DPP6: variants seen among roughly 807,000 people sequenced by gnomAD.
DPP6 encodes the protein A-type potassium channel modulatory protein DPP6.
In DPP6, 69 loss-of-function variants were observed where a neutral mutation model predicts 122.6. That is an observed-to-expected ratio of 0.56 (90% CI 0.46 to 0.69). DPP6 has a LOEUF of 0.69. Ranked by LOEUF, DPP6 falls within the 30% of genes least tolerant of loss-of-function variation. The pLI is 0.00. For missense variants in DPP6, 928 were observed against 1,116.9 expected, an observed-to-expected ratio of 0.83 and a Z score of 2.41; for synonymous variants, 418 against 433.1, an observed-to-expected ratio of 0.97 and a Z score of 0.43.
At chr7:154,494,065 G>T (rs1824514665) in intron 3 of DPP6, among the ~76,000 whole-genome samples, 1 of 152,134 alleles carries the variant, frequency 6.6e-6, no homozygotes, top group Admixed American at 6.6e-5. Flanking sequence ...TTTATTAAAA[G>T]ATATATTGCC....
chr7:153,773,478 C>T, the DPP6 span, among the ~76,000 whole-genome samples: 8 of 151,500 alleles, frequency 5.3e-5, no homozygotes, highest in African/African-American at 1.7e-4. Flanking sequence ...AAATAAACCT[C>T]ACCAAATCTG....
chr7:154,478,468 ACAT>A (rs1345563982), intron 3 of DPP6, among the ~76,000 whole-genome samples: 4 of 152,066 alleles, frequency 2.6e-5, no homozygotes, highest in African/African-American at 7.2e-5. Context: ...CATCATCATA[ACAT>A]CATCATCAAG....
chr7:154,307,338 A>G (rs750215347), intron 1 of DPP6, among the ~76,000 whole-genome samples: 59 of 152,194 alleles, frequency 3.9e-4, no homozygotes, highest in Non-Finnish European at 2.9e-4. Flanking sequence ...TTAAACTGAT[A>G]TAAAACTGAA....
chr7:153,762,964 G>T, the DPP6 span, among the ~76,000 whole-genome samples: 1 of 152,072 alleles, frequency 6.6e-6, no homozygotes, highest in Non-Finnish European at 1.5e-5. Context: ...CAAAGACATA[G>T]AGATTACAAT....
intron 7 of DPP6, among the ~76,000 whole-genome samples, chr7:154,678,110 T>C (rs1839034127): frequency 1.3e-5 from 2 of 152,110 alleles, no homozygotes; most frequent in Admixed American, 6.5e-5. Context: ...TGTGTCTAGC[T>C]AAAGGTTTGT....
intron 1 of DPP6, among the ~76,000 whole-genome samples, chr7:154,346,472 A>C (rs1320916744): frequency 2.0e-5 from 3 of 151,938 alleles, no homozygotes; most frequent in Non-Finnish European, 4.4e-5. Context: ...ATGCCCGTCT[A>C]ATTTTTGTAT....
intron 5 of DPP6, among the ~76,000 whole-genome samples, chr7:154,571,974 C>T (rs578030313): frequency 1.6e-4 from 24 of 152,232 alleles, no homozygotes; most frequent in East Asian, 7.7e-4. Flanking sequence ...AGGTGACATC[C>T]GGGCTGCAGT....
intron 7 of DPP6, among the ~76,000 whole-genome samples, chr7:154,702,775 A>G (rs552243858): frequency 5.2e-5 from 8 of 152,384 alleles, no homozygotes; most frequent in African/African-American, 1.9e-4. Flanking sequence ...GCAGTAAGTT[A>G]TTCAGAAGAT....
the DPP6 span, among the ~76,000 whole-genome samples, chr7:153,774,662 G>A: frequency 2.7e-3 from 410 of 152,140 alleles, 2 homozygotes; most frequent in African/African-American, 9.3e-3. Flanking sequence ...GAATTCTGTC[G>A]GTATTTAAGG....
intron 1 of DPP6, among the ~76,000 whole-genome samples, chr7:154,330,072 C>T (rs982003224): frequency 2.0e-5 from 3 of 152,134 alleles, no homozygotes; most frequent in Non-Finnish European, 4.4e-5. Context: ...AGGACAAATA[C>T]CTAATGCATG....
intron 1 of DPP6, among the ~76,000 whole-genome samples, chr7:154,189,181 A>G (rs1396075565): frequency 2.6e-5 from 4 of 152,228 alleles, no homozygotes; most frequent in Non-Finnish European, 5.9e-5. Context: ...AGATCGTGAT[A>G]CCTTTTTCCC....
In DPP6 at chr7:154,637,890, CT is replaced by C. The variant is rs1175317815; in HGVS notation, c.680+20del. 6.4e-7 allele frequency: 1 copy of C among 1,560,848 alleles called. No homozygotes were observed. The highest frequency in any genetic ancestry group is 8.7e-7 in the Non-Finnish European group (1 of 1,150,890). ...TCCTCATGGGTAAGAGTGTTCTTTT[CT>C]TTCTTTTAATTAGAAATATGCAGGG... is the stretch of plus-strand genomic sequence containing the variant. On this transcript the variant is annotated intron_variant, in intron 6 of 25. Coordinates refer to ENST00000377770, the MANE Select transcript of DPP6 (RefSeq NM_130797.4).
intron 10 of DPP6, among the ~76,000 whole-genome samples, chr7:154,793,236 G>A (rs1421171876): frequency 6.6e-6 from 1 of 152,162 alleles, no homozygotes; most frequent in East Asian, 1.9e-4. Context: ...ATGATTGAAC[G>A]CGCATTAGCT....
chr7:154,108,146 A>C (rs1806306155), intron 1 of DPP6, among the ~76,000 whole-genome samples: 1 of 152,162 alleles, frequency 6.6e-6, no homozygotes, highest in African/African-American at 2.4e-5. Flanking sequence ...ATGGCGCCAA[A>C]GGATGATGCG....
chr7:154,120,333 C>A (rs187125746), intron 1 of DPP6, among the ~76,000 whole-genome samples: 3 of 152,006 alleles, frequency 2.0e-5, no homozygotes, highest in South Asian at 2.1e-4. Context: ...CAAGCTCCCC[C>A]TCATGGGTTC....
chr7:153,838,604 C>T, the DPP6 span, among the ~76,000 whole-genome samples: 1 of 151,970 alleles, frequency 6.6e-6, no homozygotes, highest in Admixed American at 6.5e-5. Context: ...TTGAGAGGTT[C>T]CACTGATTAA....
At chr7:154,292,136 A>G (rs1805248373) in intron 1 of DPP6, among the ~76,000 whole-genome samples, 1 of 152,094 alleles carries the variant, frequency 6.6e-6, no homozygotes, top group Non-Finnish European at 1.5e-5. Flanking sequence ...CAATATAGAG[A>G]TATGGCACTC....
At chr7:154,003,148 G>A (rs1797759263) in intron 1 of DPP6, among the ~76,000 whole-genome samples, 1 of 152,150 alleles carries the variant, frequency 6.6e-6, no homozygotes, top group East Asian at 1.9e-4. Flanking sequence ...GGAAAGGTGA[G>A]GTTGATGCTG....
chr7:154,288,326 G>C (rs76372423), intron 1 of DPP6, among the ~76,000 whole-genome samples: 7,448 of 152,268 alleles, frequency 0.049, 356 homozygotes, highest in East Asian at 0.2. Flanking sequence ...TCAGGACCGA[G>C]GGAATATATG....
Sources: gnomAD v4.1 joint callset for allele counts (sites outside exome capture counted in the v4.1 genomes callset) on GRCh38, gnomAD v4.1.1 for gene constraint, MANE v1.5 for transcripts, NCBI Gene and HGNC (gene_info 2026-07-23, HGNC 2026-07-21) for gene names.